RASAL2: variants seen among roughly 807,000 people sequenced by gnomAD.
RASAL2 encodes the protein ras GTPase-activating protein nGAP.
In RASAL2, 58 loss-of-function variants were observed where a neutral mutation model predicts 128.9. The ratio of observed to expected loss-of-function variants is 0.45; its 90% CI spans 0.36 to 0.56. The LOEUF (loss-of-function observed/expected upper bound fraction) is 0.56. Among genes scored for constraint, RASAL2 ranks in the 20% least tolerant of loss-of-function variants. The probability of loss-of-function intolerance (pLI) is 0.00; values close to 1 mark genes in which losing one functional copy is unlikely to be tolerated. For missense variants in RASAL2, 1,360 were observed against 1,601.6 expected (o/e 0.85, Z 2.57); for synonymous variants, 561 against 580.8 (o/e 0.97, Z 0.49).
At chr1:178,363,220 G>A (rs1671221297) in intron 3 of RASAL2, among the ~76,000 whole-genome samples, 1 of 152,064 alleles carries the variant, frequency 6.6e-6, no homozygotes, top group Non-Finnish European at 1.5e-5. Context: ...GGGGTGAGGT[G>A]ATATCTTATT....
At chr1:178,439,703 A>G in intron 6 of RASAL2, 128 bp downstream of exon 6, 1 of 805,512 alleles carries the variant, frequency 1.2e-6, no homozygotes, top group South Asian at 2.4e-5. Flanking sequence ...GCTAGAAATT[A>G]TCTACTTACA....
chr1:178,141,615 C>G (rs1660536402), intron 1 of RASAL2, among the ~76,000 whole-genome samples: 1 of 152,076 alleles, frequency 6.6e-6, no homozygotes, highest in Non-Finnish European at 1.5e-5. Flanking sequence ...CCAACTGCTT[C>G]CTGCTTAATT....
At chr1:178,241,948 T>C (rs997900192) in intron 1 of RASAL2, among the ~76,000 whole-genome samples, 2 of 152,194 alleles carry the variant, frequency 1.3e-5, no homozygotes, top group Non-Finnish European at 2.9e-5. Context: ...TTCAATTCAA[T>C]TTTTTGCTCA....
intron 3 of RASAL2, among the ~76,000 whole-genome samples, chr1:178,321,277 T>TTTCA (rs1001867500): frequency 6.6e-6 from 1 of 151,848 alleles, no homozygotes; most frequent in Non-Finnish European, 1.5e-5. Context: ...AGAGACAGGG[T>TTTCA]TTCACCCCAT....
Position 178,443,008 on chromosome 1 carries a change from A to ACACC in RASAL2, c.1264_1267dup (p.Asn423ThrfsTer14). On this transcript the variant is annotated frameshift_variant, in exon 8 of 18. Transcript: ENST00000367649. LOFTEE classifies it high-confidence loss of function. Reference sequence around the variant, plus strand: ...AAAGTGGTATCCAGTGAGTACACCTACACCCAACAAAGGAAAGACAGGAGG... The same window carrying ACACC: ...AAAGTGGTATCCAGTGAGTACACCTACACCCACCCAACAAAGGAAAGACAGGAGG... The ACACC allele has an allele frequency of 6.2e-7, 1 of 1,614,086 alleles. No homozygotes were observed. Among genetic ancestry groups the ACACC allele is most frequent in the Non-Finnish European group, 8.5e-7 (1 of 1,179,978 alleles).
In RASAL2 at chr1:178,301,594, G is replaced by A. The variant is rs1178768735; in HGVS notation, c.457+1476G>A. On this transcript the variant is annotated intron_variant, in intron 3 of 17. Coordinates refer to ENST00000367649, the MANE Select transcript of RASAL2 (RefSeq NM_170692.4). ...ATTACAGGCATGCACCACCATGCCCGGCTAATTTTTGTATTTTTAATAGAG... is the reference window on the plus strand; with the variant it reads ...ATTACAGGCATGCACCACCATGCCCAGCTAATTTTTGTATTTTTAATAGAG... Among the ~76,000 whole-genome samples, 5 of 151,808 alleles carry A rather than the reference G, an allele frequency of 3.3e-5. No individual in the cohort carries two copies. In the South Asian group the frequency reaches 8.3e-4, roughly 25 times the overall value.
At chr1:178,308,567 G>T (rs1288298925) in intron 3 of RASAL2, among the ~76,000 whole-genome samples, 5 of 147,890 alleles carry the variant, frequency 3.4e-5, no homozygotes, top group African/African-American at 1.0e-4. Context: ...TGGAGGCAGG[G>T]TCTCACTCTG....
At chr1:178,232,558 A>G (rs1258693609) in intron 1 of RASAL2, among the ~76,000 whole-genome samples, 1 of 151,706 alleles carries the variant, frequency 6.6e-6, no homozygotes, top group Admixed American at 6.6e-5. Flanking sequence ...TTTTCTTCCT[A>G]TTTATGCTTT....
chr1:178,477,282 C>T lies in RASAL2; in HGVS notation c.*4043C>T, dbSNP rs1386190972. 6.6e-6 allele frequency: 1 copy of T among 152,164 alleles called. No individual in the cohort carries two copies. The highest frequency in any genetic ancestry group is 1.5e-5 in the Non-Finnish European group (1 of 68,032). 9.4% of individuals were successfully genotyped at this position (152,164 alleles called of 1,614,324 possible). ...ACCTGGGGGCCGATAATTTGAGATA[C>T]TTTGTTTTTTCAATGCGTCAGTTGA... On this transcript the variant is annotated 3_prime_UTR_variant, in exon 18 of 18. Coordinates refer to ENST00000367649, the MANE Select transcript of RASAL2 (RefSeq NM_170692.4).
At chr1:178,294,210 G>A (rs2102248103) in intron 2 of RASAL2, among the ~76,000 whole-genome samples, 1 of 152,250 alleles carries the variant, frequency 6.6e-6, no homozygotes, top group Non-Finnish European at 1.5e-5. Context: ...CACTTTCTTT[G>A]TAGAAAGGCT....
rs143418611 is a variant in RASAL2, at chr1:178,164,119, C to T, written c.202+69425C>T. Among the ~76,000 whole-genome samples, 29 of 152,046 alleles carry T rather than the reference C, an allele frequency of 1.9e-4. No individual in the cohort carries two copies. In the East Asian group the frequency reaches 5.4e-3, roughly 28 times the overall value. ...GGAATTATTTGTACAATTCTTTCAA[C>T]TTTTTTGTGTGTCTGAAACTGTTTC... On this transcript the variant is annotated intron_variant, in intron 1 of 17. Transcript: ENST00000367649.
At position 178,283,566 on chromosome 1, in the gene RASAL2, G is replaced by A. The variant is rs1479032402; in HGVS notation, c.205G>A (p.Val69Met). ...TGTTTTTCCCTTTTCTCATGCAGAT[G>A]TGAAAGGACCACCCACCCACCGTCT... ...QQQSWVRVYD[V>M]KGPPTHRLSC... The change falls in exon 2 of 18, where the codon GTG (valine) becomes ATG (methionine). Residue 69 changes from valine (V) to methionine (M), a missense_variant and splice_region_variant. Coordinates refer to ENST00000367649, the MANE Select transcript of RASAL2 (RefSeq NM_170692.4). The A allele has an allele frequency of 6.2e-7, 1 of 1,611,618 alleles. No individual in the cohort carries two copies. The highest frequency in any genetic ancestry group is 8.5e-7 in the Non-Finnish European group (1 of 1,179,176).
rs1428135207 is a variant in RASAL2, at chr1:178,433,772, G to T, written c.675-5650G>T. Among the ~76,000 whole-genome samples the T allele has an allele frequency of 5.3e-5, 8 of 152,100 alleles. No individual in the cohort carries two copies. The South Asian group carries it at 1.5e-3, about 28-fold the overall frequency. On this transcript the variant is annotated intron_variant, in intron 5 of 17. Transcript: ENST00000367649. ...TACTAAAAATACAAAAATTAACTGG[G>T]AGTGGTTGGTGGTACACATCTGTAA...
In RASAL2 at chr1:178,471,518, A is replaced by C. The variant is rs139644579; in HGVS notation, c.3679-1557A>C. Among the ~76,000 whole-genome samples the C allele has an allele frequency of 5.9e-5, 9 of 152,338 alleles. No individual in the cohort carries two copies. In the East Asian group the frequency reaches 1.7e-3, roughly 29 times the overall value. On this transcript the variant is annotated intron_variant, in intron 17 of 17. Transcript: ENST00000367649. ...TATACCAGATGCATGGGTCATTAAT[A>C]GTGCTGATTTTGTATATCTTACCAC... is the stretch of plus-strand genomic sequence containing the variant.
At position 178,176,831 on chromosome 1, in the gene RASAL2, G is replaced by T. The variant is rs1571588092; in HGVS notation, c.202+82137G>T. Among the ~76,000 whole-genome samples, 4 of 151,504 alleles carry T rather than the reference G, an allele frequency of 2.6e-5. No individual in the cohort carries two copies. The East Asian group carries it at 7.8e-4, about 29-fold the overall frequency. On this transcript the variant is annotated intron_variant, in intron 1 of 17. Transcript: ENST00000367649. ...TGGCTAATTCTTTTTTTATCATTTTGTAGAGACAGGGTTTCACTATGTTGC... is the reference window on the plus strand; with the variant it reads ...TGGCTAATTCTTTTTTTATCATTTTTTAGAGACAGGGTTTCACTATGTTGC...
At position 178,454,501 on chromosome 1, in the gene RASAL2, A is replaced by T; in HGVS notation, c.2064A>T (p.Glu688Asp). 3 of 1,613,686 alleles carry T rather than the reference A, an allele frequency of 1.9e-6. No individual in the cohort carries two copies. Among genetic ancestry groups the T allele is most frequent in the Non-Finnish European group, 2.5e-6 (3 of 1,179,624 alleles). Residue 688 changes from glutamate (E) to aspartate (D), a missense_variant, in exon 12 of 18, where the codon GAA becomes GAT. Glu to Asp is a conservative substitution (Grantham distance 45). This residue lies in a region of RASAL2 where 741 missense variants were observed against 868.6 expected (regional missense o/e 0.85). Coordinates refer to ENST00000367649, the MANE Select transcript of RASAL2 (RefSeq NM_170692.4). ...TCATGAATGATTTTTTAGAACATGA[A>T]TGGGGTGGAATGAAGCGCTTTCTTT... The part of the protein sequence containing the change: ...MAFMNDFLEH[E>D]WGGMKRFLLE...
At chr1:178,435,285 TG>T (rs887596328) in intron 5 of RASAL2, among the ~76,000 whole-genome samples, 2 of 152,138 alleles carry the variant, frequency 1.3e-5, no homozygotes, top group Non-Finnish European at 2.9e-5. Context: ...ATTGGAGCTG[TG>T]GGGGAAATGT....
At chr1:178,193,953 C>G (rs1662574254) in intron 1 of RASAL2, among the ~76,000 whole-genome samples, 1 of 152,100 alleles carries the variant, frequency 6.6e-6, no homozygotes, top group Admixed American at 6.6e-5. Flanking sequence ...TTGAAAAAGC[C>G]CACATTCTAT....
intron 1 of RASAL2, among the ~76,000 whole-genome samples, chr1:178,244,387 C>T (rs59681330): frequency 0.028 from 4,296 of 152,126 alleles, 80 homozygotes; most frequent in East Asian, 0.089. Context: ...GGACTACAGG[C>T]GCGTGCCACC....
Sources: gnomAD v4.1 joint callset for allele counts (sites outside exome capture counted in the v4.1 genomes callset) on GRCh38, gnomAD v4.1.1 for gene constraint, gnomAD v4.1.1 regional missense constraint, MANE v1.5 for transcripts, NCBI Gene and HGNC (gene_info 2026-07-23, HGNC 2026-07-21) for gene names.